The following CFAP299 variants were observed in gnomAD, a reference collection of about 807,000 sequenced individuals.
CFAP299 encodes the protein cilia and flagella associated protein 299, also known as cilia- and flagella-associated protein 299.
In CFAP299, 21 loss-of-function variants were observed where a neutral mutation model predicts 27.0. The ratio of observed to expected loss-of-function variants is 0.78; its 90% CI spans 0.55 to 1.12. CFAP299 has a LOEUF of 1.12. Ranked by LOEUF, CFAP299 falls within the 50% of genes most tolerant of loss-of-function variation. The pLI, the probability that CFAP299 is intolerant of heterozygous loss-of-function variation, is 0.00. For synonymous variants in CFAP299, 104 were observed against 98.1 expected (o/e 1.06, Z -0.36); for missense variants, 310 against 276.6 (o/e 1.12, Z -0.86).
chr4:80,425,918 TG>T (rs908957024), intron 2 of CFAP299, among the ~76,000 whole-genome samples: 6 of 152,152 alleles, frequency 3.9e-5, no homozygotes, highest in African/African-American at 1.4e-4. Flanking sequence ...ACAAGCTTGA[TG>T]AAAGCCCATC....
intron 4 of CFAP299, among the ~76,000 whole-genome samples, chr4:80,941,777 T>C (rs1384569494): frequency 6.6e-6 from 1 of 152,116 alleles, no homozygotes; most frequent in Non-Finnish European, 1.5e-5. Context: ...TCACTCATGG[T>C]GGAAGGCAAA....
At chr4:80,575,210 AT>A (rs1735791368) in intron 2 of CFAP299, among the ~76,000 whole-genome samples, 1 of 152,050 alleles carries the variant, frequency 6.6e-6, no homozygotes, top group East Asian at 1.9e-4. Flanking sequence ...ATATCTATAC[AT>A]TTATTCATTT....
At chr4:80,649,542 A>G (rs1488014440) in intron 3 of CFAP299, among the ~76,000 whole-genome samples, 1 of 152,094 alleles carries the variant, frequency 6.6e-6, no homozygotes, top group African/African-American at 2.4e-5. Flanking sequence ...GTTCTTGTTG[A>G]TTTTTAAAAA....
chr4:80,680,834 A>T (rs918691418), intron 3 of CFAP299, among the ~76,000 whole-genome samples: 6 of 152,198 alleles, frequency 3.9e-5, no homozygotes, highest in Non-Finnish European at 7.4e-5. Context: ...ATTCAAGAAC[A>T]AGGTTATTAA....
intron 3 of CFAP299, among the ~76,000 whole-genome samples, chr4:80,609,890 A>G (rs1737878173): frequency 6.6e-6 from 1 of 152,058 alleles, no homozygotes; most frequent in Admixed American, 6.6e-5. Flanking sequence ...ATGACCCTCA[A>G]AATGATAGAG....
At chr4:80,880,497 C>T (rs764056617) in intron 4 of CFAP299, among the ~76,000 whole-genome samples, 60 of 151,926 alleles carry the variant, frequency 3.9e-4, no homozygotes, top group Admixed American at 9.8e-4. Flanking sequence ...TTTGGGAGGC[C>T]GAGGCGAGCA....
upstream of CFAP299, among the ~76,000 whole-genome samples, chr4:80,331,837 G>C (rs1721953431): frequency 6.6e-6 from 1 of 152,214 alleles, no homozygotes; most frequent in Non-Finnish European, 1.5e-5. Context: ...ATGTAAGGCA[G>C]TAAGTAAAGC....
intron 3 of CFAP299, among the ~76,000 whole-genome samples, chr4:80,755,492 G>T (rs1305737631): frequency 6.6e-6 from 1 of 152,010 alleles, no homozygotes. Context: ...CAAATGCATG[G>T]AAGACTTCTT....
chr4:80,457,052 A>G (rs1245931793), intron 2 of CFAP299, among the ~76,000 whole-genome samples: 2 of 151,966 alleles, frequency 1.3e-5, no homozygotes, highest in African/African-American at 4.8e-5. Flanking sequence ...ATTATTAAAG[A>G]GACCATGAGA....
At chr4:80,881,296 C>T (rs1560460726) in intron 4 of CFAP299, among the ~76,000 whole-genome samples, 1 of 152,156 alleles carries the variant, frequency 6.6e-6, no homozygotes, top group Non-Finnish European at 1.5e-5. Flanking sequence ...CCAGAAAAGA[C>T]AGAAAGAAGT....
chr4:80,396,491 G>C (rs1353776197), intron 2 of CFAP299, among the ~76,000 whole-genome samples: 2 of 152,050 alleles, frequency 1.3e-5, no homozygotes, highest in African/African-American at 2.4e-5. Context: ...TATTTTATTA[G>C]CATTGGTATT....
At chr4:80,554,598 C>T (rs1734700900) in intron 2 of CFAP299, among the ~76,000 whole-genome samples, 1 of 150,766 alleles carries the variant, frequency 6.6e-6, no homozygotes, top group South Asian at 2.1e-4. Context: ...GCAGTATGGC[C>T]ATTTTAATGT....
intron 3 of CFAP299, among the ~76,000 whole-genome samples, chr4:80,765,941 T>C (rs1378036435): frequency 6.6e-6 from 1 of 151,942 alleles, no homozygotes; most frequent in Non-Finnish European, 1.5e-5. Flanking sequence ...AAAACCAAAA[T>C]GTACAACACA....
chr4:80,397,082 T>G (rs1725842725), intron 2 of CFAP299, among the ~76,000 whole-genome samples: 1 of 142,186 alleles, frequency 7.0e-6, no homozygotes, highest in Non-Finnish European at 1.5e-5. Context: ...TATTCGGGGA[T>G]TCAACTTCTT....
chr4:80,951,092 C>A (rs1737752635), intron 5 of CFAP299, among the ~76,000 whole-genome samples: 2 of 152,076 alleles, frequency 1.3e-5, no homozygotes, highest in African/African-American at 4.8e-5. Flanking sequence ...AAAAGAAAAT[C>A]AATTATATTA....
chr4:80,674,945 G>T (rs1719333411), intron 3 of CFAP299, among the ~76,000 whole-genome samples: 1 of 151,998 alleles, frequency 6.6e-6, no homozygotes, highest in Non-Finnish European at 1.5e-5. Flanking sequence ...AAGGTTTTTA[G>T]CTTCCTTGCA....
chr4:80,387,624 G>A (rs911821635), intron 2 of CFAP299: 31 of 1,379,600 alleles, frequency 2.2e-5, no homozygotes, highest in Middle Eastern at 1.8e-4. Flanking sequence ...TGCCACCACC[G>A]TGTCCTGAAG....
intron 2 of CFAP299, among the ~76,000 whole-genome samples, chr4:80,435,504 A>G (rs542300010): frequency 2.6e-5 from 4 of 152,356 alleles, no homozygotes; most frequent in African/African-American, 9.6e-5. Context: ...AAAAGCCTGT[A>G]ATTGTTCAAC....
chr4:80,936,321 G>A (rs1180233512), intron 4 of CFAP299, among the ~76,000 whole-genome samples: 2 of 151,928 alleles, frequency 1.3e-5, no homozygotes, highest in Non-Finnish European at 2.9e-5. Flanking sequence ...ATCATTTTAT[G>A]ATATAAATGC....
Sources: allele counts gnomAD v4.1 joint callset (sites outside exome capture counted in the v4.1 genomes callset), GRCh38; gene constraint gnomAD v4.1.1; transcripts MANE v1.5; gene names NCBI Gene and HGNC (gene_info 2026-07-23, HGNC 2026-07-21).